The following RSRC1 variants were observed in gnomAD, a reference collection of about 807,000 sequenced individuals.
The protein encoded by RSRC1 is serine/Arginine-related protein 53.
RSRC1 carries 39 observed loss-of-function variants against 49.1 expected under a neutral mutation model. The ratio of observed to expected loss-of-function variants is 0.79; its 90% CI spans 0.61 to 1.04. The LOEUF is 1.04. RSRC1 is among the 50% of genes least tolerant of loss of function. RSRC1 has a pLI of 0.00. For missense variants in RSRC1, 388 were observed against 402.4 expected (o/e 0.96, Z 0.31); for synonymous variants, 143 against 130.8 (o/e 1.09, Z -0.63).
At chr3:158,202,343 A>G (rs1266797780) in intron 3 of RSRC1, among the ~76,000 whole-genome samples, 2 of 151,576 alleles carry the variant, frequency 1.3e-5, no homozygotes, top group African/African-American at 2.4e-5. Context: ...AATATTCACT[A>G]AGTGGAAGTG....
intron 7 of RSRC1, among the ~76,000 whole-genome samples, chr3:158,518,134 A>ATATG (rs1560073737): frequency 2.5e-5 from 2 of 80,194 alleles, no homozygotes; most frequent in African/African-American, 1.4e-4. Context: ...GTGTATATAT[A>ATATG]TATATATATA....
intron 3 of RSRC1, among the ~76,000 whole-genome samples, chr3:158,181,485 T>C (rs1161549193): frequency 6.6e-6 from 1 of 152,200 alleles, no homozygotes; most frequent in Non-Finnish European, 1.5e-5. Context: ...CTCATTCCCT[T>C]TGCATAAAAT....
intron 6 of RSRC1, among the ~76,000 whole-genome samples, chr3:158,427,899 A>G (rs147996201): frequency 3.9e-4 from 59 of 151,918 alleles, no homozygotes; most frequent in African/African-American, 1.2e-3. Context: ...ATAATGTTCA[A>G]TGACTATCTT....
intron 4 of RSRC1, among the ~76,000 whole-genome samples, chr3:158,224,981 C>T (rs149733657): frequency 1.1e-3 from 167 of 151,934 alleles, no homozygotes; most frequent in African/African-American, 3.6e-3. Context: ...AGTAGAAATA[C>T]GGTATATTCA....
chr3:158,278,656 A>G (rs966470187), intron 4 of RSRC1, among the ~76,000 whole-genome samples: 2 of 152,190 alleles, frequency 1.3e-5, no homozygotes, highest in African/African-American at 4.8e-5. Context: ...AGTTTGAACA[A>G]CTGTTCTTGC....
chr3:158,146,442 C>T (rs1341900998), intron 3 of RSRC1, among the ~76,000 whole-genome samples: 2 of 152,028 alleles, frequency 1.3e-5, no homozygotes, highest in East Asian at 1.9e-4. Context: ...TATTGATTTG[C>T]GTATGTTGAA....
intron 6 of RSRC1, among the ~76,000 whole-genome samples, chr3:158,391,583 A>G (rs1202159878): frequency 6.6e-6 from 1 of 152,162 alleles, no homozygotes; most frequent in Non-Finnish European, 1.5e-5. Flanking sequence ...CTAGTTGGAA[A>G]TAAGCATTCA....
chr3:158,207,668 G>GAC (rs1220649419), intron 4 of RSRC1, among the ~76,000 whole-genome samples: 1 of 152,028 alleles, frequency 6.6e-6, no homozygotes, highest in Non-Finnish European at 1.5e-5. Context: ...TAGATAGACA[G>GAC]AGAGACAGAC....
chr3:158,203,035 T>C, intron 3 of RSRC1, 37 bp from the exon 4 acceptor site: 3 of 1,512,898 alleles, frequency 2.0e-6, no homozygotes, highest in South Asian at 2.4e-5. Flanking sequence ...ATACAAATTA[T>C]ACACTAAGTT....
chr3:158,326,554 C>CGCTG (rs1393242460), intron 5 of RSRC1, among the ~76,000 whole-genome samples: 1 of 151,978 alleles, frequency 6.6e-6, no homozygotes, highest in African/African-American at 2.4e-5. Context: ...GTATGTTGAA[C>CGCTG]CAGCCTTGCA....
chr3:158,455,082 C>G (rs899768566), intron 6 of RSRC1, among the ~76,000 whole-genome samples: 3 of 152,120 alleles, frequency 2.0e-5, no homozygotes, highest in Non-Finnish European at 4.4e-5. Flanking sequence ...ATCTCCTGTG[C>G]TTGGTATCCA....
At chr3:158,329,819 C>T (rs1428438449) in intron 5 of RSRC1, among the ~76,000 whole-genome samples, 2 of 152,186 alleles carry the variant, frequency 1.3e-5, no homozygotes, top group African/African-American at 4.8e-5. Context: ...TTGTCTATGC[C>T]CTGCCCCCAG....
Position 158,544,197 on chromosome 3 carries a change from AGCTGAT to A in RSRC1, c.933_938del (p.Asp311_Ala312del), listed in dbSNP as rs756132955. 1.9e-6 allele frequency: 3 copies of A among 1,611,478 alleles called. No individual in the cohort carries two copies. In the Admixed American group the frequency reaches 5.0e-5, roughly 27 times the overall value. ...TCTTATTTCAGTTATTTATCGAGAA[AGCTGAT>A]GCTGAGGAAAAATGGTTCAAGAGAT... On this transcript the variant is annotated inframe_deletion, in exon 10 of 10. Coordinates refer to ENST00000611884, the MANE Select transcript of RSRC1 (RefSeq NM_001271838.2).
intron 3 of RSRC1, among the ~76,000 whole-genome samples, chr3:158,172,830 G>A (rs972057333): frequency 6.6e-6 from 1 of 152,038 alleles, no homozygotes; most frequent in African/African-American, 2.4e-5. Flanking sequence ...TTTAGGCTCT[G>A]CCTAATTTAG....
At chr3:158,379,342 A>T (rs2108278110) in intron 6 of RSRC1, among the ~76,000 whole-genome samples, 1 of 151,694 alleles carries the variant, frequency 6.6e-6, no homozygotes, top group South Asian at 2.1e-4. Flanking sequence ...CTGGGACTAT[A>T]GGCACCCGCC....
chr3:158,376,544 A>T (rs1447224183), intron 6 of RSRC1, among the ~76,000 whole-genome samples: 1 of 151,952 alleles, frequency 6.6e-6, no homozygotes, highest in Admixed American at 6.5e-5. Context: ...CCATCTCCTC[A>T]ACTAACTTGG....
At chr3:158,264,088 A>C (rs1016230021) in intron 4 of RSRC1, among the ~76,000 whole-genome samples, 41 of 151,974 alleles carry the variant, frequency 2.7e-4, no homozygotes, top group African/African-American at 9.4e-4. Context: ...CTTTGGGTTT[A>C]ATTCTCCTCT....
chr3:158,257,516 A>G (rs1724634521), intron 4 of RSRC1, among the ~76,000 whole-genome samples: 1 of 151,824 alleles, frequency 6.6e-6, no homozygotes, highest in Non-Finnish European at 1.5e-5. Flanking sequence ...CTTTATTTTC[A>G]GTCTGGCTGT....
intron 4 of RSRC1, among the ~76,000 whole-genome samples, chr3:158,239,304 A>G (rs984882855): frequency 2.6e-5 from 4 of 152,224 alleles, no homozygotes; most frequent in Admixed American, 6.5e-5. Context: ...CAGTGTGTCA[A>G]TTACTCAAGG....
Sources: gnomAD v4.1 joint callset for allele counts (sites outside exome capture counted in the v4.1 genomes callset) on GRCh38, gnomAD v4.1.1 for gene constraint, MANE v1.5 for transcripts, NCBI Gene and HGNC (gene_info 2026-07-23, HGNC 2026-07-21) for gene names.